Variants in DIP2C observed in about 807,000 individuals in gnomAD.
The protein encoded by DIP2C is disco-interacting protein 2 homolog C.
In DIP2C, 33 loss-of-function variants were observed where a neutral mutation model predicts 192.4. That is an observed-to-expected ratio of 0.17 (90% CI 0.13 to 0.23). DIP2C has a LOEUF of 0.23. Among genes scored for constraint, DIP2C ranks in the 10% least tolerant of loss-of-function variants. The probability of loss-of-function intolerance (pLI) is 1.00; values close to 1 mark genes in which losing one functional copy is unlikely to be tolerated. For synonymous variants in DIP2C, 979 were observed against 864.1 expected (o/e 1.13, Z -2.33); for missense variants, 1,537 against 2,110.1 (o/e 0.73, Z 5.32).
chr10:367,793 G>A (rs1327540037), intron 18 of DIP2C, among the ~76,000 whole-genome samples: 10 of 152,240 alleles, frequency 6.6e-5, no homozygotes, highest in Non-Finnish European at 1.2e-4. Flanking sequence ...GGACCCTCAG[G>A]ATAAAACATG....
intron 3 of DIP2C, among the ~76,000 whole-genome samples, chr10:458,246 G>T (rs996985320): frequency 6.6e-6 from 1 of 152,218 alleles, no homozygotes; most frequent in Non-Finnish European, 1.5e-5. Flanking sequence ...AAATAAGGAA[G>T]TAACACTATG....
intron 24 of DIP2C, among the ~76,000 whole-genome samples, chr10:355,527 T>G (rs1420346724): frequency 6.6e-6 from 1 of 152,258 alleles, no homozygotes; most frequent in East Asian, 1.9e-4. Flanking sequence ...TCAAGAAGAC[T>G]TACATTTTTC....
chr10:476,962 C>T (rs943553561), intron 2 of DIP2C, among the ~76,000 whole-genome samples: 9 of 149,998 alleles, frequency 6.0e-5, no homozygotes, highest in African/African-American at 1.7e-4. Context: ...AGGATGGGCT[C>T]GGGAAATAAT....
In DIP2C at chr10:356,455, G is replaced by C; in HGVS notation, c.2956C>G (p.His986Asp). 1 of 1,611,972 alleles carries C rather than the reference G, an allele frequency of 6.2e-7. No individual in the cohort carries two copies. Among genetic ancestry groups the C allele is most frequent in the South Asian group, 1.1e-5 (1 of 91,080 alleles). ...LQWRAQTTPD[H>D]ILYTLLNCRG... ...CAGTTGAGCAGCGTGTAGAGGATGT[G>C]GTCCGGGGTGGTCTGTGCTCTCCAC... The change falls in exon 24 of 37, where the codon CAC (histidine) becomes GAC (aspartate). Residue 986 changes from histidine to aspartate, a missense_variant. His to Asp is a moderately conservative substitution (Grantham distance 81, BLOSUM62 -1). Around this residue, in one of 4 missense-constraint regions of DIP2C, gnomAD observed 677 missense variants for 989.9 expected, o/e 0.68. Coordinates refer to ENST00000280886, the MANE Select transcript of DIP2C (RefSeq NM_014974.3).
At chr10:566,483 C>T (rs1052491402) in intron 1 of DIP2C, among the ~76,000 whole-genome samples, 1 of 152,168 alleles carries the variant, frequency 6.6e-6, no homozygotes, top group African/African-American at 2.4e-5. Context: ...ACAGACACAC[C>T]GCACACTGAT....
Position 666,446 on chromosome 10 carries a change from C to T in DIP2C, c.85+23048G>A, listed in dbSNP as rs1857095808. ...TGGGGAATCCACTGGCACCCAGAGC[C>T]CGGCCCGCGGCAGCAGAATCACCCA... On this transcript the variant is annotated intron_variant, in intron 1 of 36. Coordinates refer to ENST00000280886, the MANE Select transcript of DIP2C (RefSeq NM_014974.3). The surrounding 1 kb of genome is among the most constrained non-coding windows in gnomAD (Gnocchi z 4.1). 6.6e-6 allele frequency: 1 copy of T among 152,348 alleles called. No individual in the cohort carries two copies. The highest frequency in any genetic ancestry group is 1.9e-4 in the East Asian group (1 of 5,194). The allele number at this position is 152,348 out of a possible 1,614,324, so 9.4% of individuals were successfully genotyped here.
At chr10:507,690 A>G (rs1304343303) in intron 1 of DIP2C, among the ~76,000 whole-genome samples, 1 of 152,190 alleles carries the variant, frequency 6.6e-6, no homozygotes, top group African/African-American at 2.4e-5. Flanking sequence ...AACGATACAT[A>G]TGCGCACAGG....
chr10:542,080 TC>T (rs1848023405), intron 1 of DIP2C, among the ~76,000 whole-genome samples: 1 of 152,026 alleles, frequency 6.6e-6, no homozygotes, highest in Admixed American at 6.5e-5. Flanking sequence ...GACTGCACTC[TC>T]AGAAAAGTCC....
At chr10:399,285 G>A in intron 9 of DIP2C, 66 bp from the exon 10 acceptor site, 1 of 1,344,482 alleles carries the variant, frequency 7.4e-7, no homozygotes, top group South Asian at 1.2e-5. Flanking sequence ...CGCCACGGAA[G>A]AGCTTGGTTC....
At chr10:433,282 A>G (rs973437653) in intron 4 of DIP2C, among the ~76,000 whole-genome samples, 2 of 152,242 alleles carry the variant, frequency 1.3e-5, no homozygotes, top group African/African-American at 4.8e-5. Flanking sequence ...GCAAAAATAC[A>G]TTTAAGGATT....
intron 1 of DIP2C, among the ~76,000 whole-genome samples, chr10:671,290 G>A (rs1477564723): frequency 6.6e-6 from 1 of 152,084 alleles, no homozygotes; most frequent in African/African-American, 2.4e-5. Context: ...CACAGACAGA[G>A]GAAACACCAC....
At chr10:309,975 G>A (rs1474496078) in intron 32 of DIP2C, 56 bp downstream of exon 32, 2 of 1,550,414 alleles carry the variant, frequency 1.3e-6, no homozygotes, top group African/African-American at 1.4e-5. Flanking sequence ...TGCATGCAAG[G>A]CCGCAGAACA....
chr10:577,852 AAG>A (rs1222294835), intron 1 of DIP2C, among the ~76,000 whole-genome samples: 115 of 151,598 alleles, frequency 7.6e-4, no homozygotes, highest in African/African-American at 2.4e-3. Flanking sequence ...CAAAAGAAGA[AAG>A]AACTTAAGAA....
intron 1 of DIP2C, among the ~76,000 whole-genome samples, chr10:599,804 A>G (rs1409939398): frequency 1.3e-5 from 2 of 152,136 alleles, no homozygotes; most frequent in Non-Finnish European, 2.9e-5. Context: ...AGAGGGGACG[A>G]GCTGTGTTTT....
At chr10:491,918 A>G (rs1844474019) in intron 1 of DIP2C, among the ~76,000 whole-genome samples, 1 of 152,162 alleles carries the variant, frequency 6.6e-6, no homozygotes, top group Non-Finnish European at 1.5e-5. Context: ...ACAGAAAACC[A>G]GGGGCTAGGA....
At chr10:469,437 C>G (rs937480466) in intron 3 of DIP2C, among the ~76,000 whole-genome samples, 1 of 151,820 alleles carries the variant, frequency 6.6e-6, no homozygotes, top group Non-Finnish European at 1.5e-5. Flanking sequence ...CCACCTCAGC[C>G]TCTGGAATAG....
intron 1 of DIP2C, among the ~76,000 whole-genome samples, chr10:595,212 G>A (rs1393016005): frequency 1.3e-5 from 2 of 152,184 alleles, no homozygotes; most frequent in Non-Finnish European, 2.9e-5. Flanking sequence ...ATACTGTACA[G>A]CCAACGTCCC....
intron 29 of DIP2C, chr10:340,703 G>T (rs760211860): frequency 1.1e-5 from 5 of 455,266 alleles, no homozygotes; most frequent in East Asian, 1.4e-4. Flanking sequence ...CTGAGCACCT[G>T]CTGTAAGCCA....
intron 1 of DIP2C, among the ~76,000 whole-genome samples, chr10:579,541 T>C (rs1850442981): frequency 6.6e-6 from 1 of 152,002 alleles, no homozygotes. Context: ...TCCAGATCCA[T>C]AAAGTGTACA....
Sources: gnomAD v4.1 joint callset for allele counts (sites outside exome capture counted in the v4.1 genomes callset) on GRCh38, gnomAD v4.1.1 for gene constraint, gnomAD v4.1.1 regional missense constraint, Gnocchi (gnomAD v3.1) non-coding constraint, MANE v1.5 for transcripts, NCBI Gene and HGNC (gene_info 2026-07-23, HGNC 2026-07-21) for gene names.